Variants in RAB33B observed in about 807,000 individuals in gnomAD.
RAB33B encodes the protein RAB33B, member RAS oncogene family, also known as ras-related protein Rab-33B.
RAB33B carries 6 observed loss-of-function variants against 15.0 expected under a neutral mutation model. The observed-to-expected ratio is 0.40, with a 90% CI of 0.22 to 0.79. RAB33B has a LOEUF of 0.79. Among genes scored for constraint, RAB33B ranks in the 30% least tolerant of loss-of-function variants. The probability of loss-of-function intolerance (pLI) is 0.37; values close to 1 mark genes in which losing one functional copy is unlikely to be tolerated. For synonymous variants in RAB33B, 117 were observed against 108.3 expected, an observed-to-expected ratio of 1.08 and a Z score of -0.50; for missense variants, 257 against 296.4, an observed-to-expected ratio of 0.87 and a Z score of 0.98.
At chr4:139,454,082 C>T, upstream of RAB33B, 2 of 1,296,774 alleles carry the variant, frequency 1.5e-6, no homozygotes, top group Non-Finnish European at 2.1e-6. Flanking sequence ...GCGGTGGCTC[C>T]TGGGAAGTTG....
the RAB33B span, among the ~76,000 whole-genome samples, chr4:139,444,892 C>T: frequency 1.3e-5 from 2 of 152,136 alleles, no homozygotes; most frequent in Admixed American, 6.5e-5. Flanking sequence ...GCTGCCTCTA[C>T]CTAGAAAAAT....
intron 1 of RAB33B, among the ~76,000 whole-genome samples, chr4:139,471,295 C>G (rs1440010897): frequency 5.3e-5 from 8 of 152,096 alleles, no homozygotes; most frequent in Admixed American, 5.2e-4. Flanking sequence ...TCCGGTTTTC[C>G]TTTTTGCTCT....
In RAB33B at chr4:139,472,816, C is replaced by T. The variant is rs139890586; in HGVS notation, c.380C>T (p.Ser127Phe). 2 of 1,614,160 alleles carry T rather than the reference C, an allele frequency of 1.2e-6. No homozygotes were observed. The highest frequency in any genetic ancestry group is 1.7e-6 in the Non-Finnish European group (2 of 1,180,002). The change falls in exon 2 of 2, where the codon TCT becomes TTT. Residue 127 changes from serine to phenylalanine, a missense_variant. By Grantham distance (155) the Ser-to-Phe change is radical. Coordinates refer to ENST00000305626, the MANE Select transcript of RAB33B (RefSeq NM_031296.3). Reference protein sequence around the residue: ...TNMASFHSLPSWIEECKQHLL... With the variant: ...TNMASFHSLPFWIEECKQHLL... The stretch of plus-strand genomic sequence containing the variant: ...ATGGCTAGTTTTCATAGCCTACCAT[C>T]TTGGATAGAAGAATGCAAACAACAT...
intron 1 of RAB33B, among the ~76,000 whole-genome samples, chr4:139,469,062 G>A (rs1750344134): frequency 6.6e-6 from 1 of 151,980 alleles, no homozygotes; most frequent in East Asian, 1.9e-4. Context: ...AATCTGTTTG[G>A]TGTTCTATAA....
At chr4:139,447,280 G>A in the RAB33B span, among the ~76,000 whole-genome samples, 1,779 of 152,216 alleles carry the variant, frequency 0.012, 12 homozygotes, top group East Asian at 0.03. Flanking sequence ...GCAGGCCTGG[G>A]GCAAAGTTCT....
chr4:139,454,081 C>T, upstream of RAB33B: 3 of 1,276,052 alleles, frequency 2.4e-6, no homozygotes, highest in Non-Finnish European at 3.2e-6. Context: ...GGCGGTGGCT[C>T]CTGGGAAGTT....
intron 1 of RAB33B, among the ~76,000 whole-genome samples, chr4:139,467,745 C>T (rs1750317025): frequency 6.6e-6 from 1 of 151,778 alleles, no homozygotes; most frequent in Non-Finnish European, 1.5e-5. Flanking sequence ...GTAGTCCCAG[C>T]TACTCAGGTG....
At position 139,472,980 on chromosome 4, in the gene RAB33B, C is replaced by A. The variant is rs758237954; in HGVS notation, c.544C>A (p.Pro182Thr). The change falls in exon 2 of 2, where the codon CCC becomes ACC. Residue 182 changes from proline to threonine, a missense_variant. Pro to Thr is a conservative substitution (Grantham distance 38). Transcript: ENST00000305626. The part of the protein sequence containing the change: ...MPLFETSAKN[P>T]NDNDHVEAIF... ...TTTGTTTGAAACGTCTGCTAAAAAC[C>A]CCAATGATAATGACCATGTGGAAGC... 6.2e-7 allele frequency: 1 copy of A among 1,613,990 alleles called. No homozygotes were observed. Among genetic ancestry groups the A allele is most frequent in the Non-Finnish European group, 8.5e-7 (1 of 1,180,028 alleles).
the RAB33B span, among the ~76,000 whole-genome samples, chr4:139,444,940 G>T: frequency 6.6e-6 from 1 of 152,232 alleles, no homozygotes. Flanking sequence ...TGGAGGGGTT[G>T]CGGAAATTAG....
the RAB33B span, among the ~76,000 whole-genome samples, chr4:139,442,598 A>T: frequency 6.6e-6 from 1 of 152,136 alleles, no homozygotes. Context: ...AAACGTGAAA[A>T]GATTAGACTG....
In RAB33B at chr4:139,454,225, G is replaced by C. The variant is rs368228699; in HGVS notation, c.30G>C (p.Glu10Asp). Residue 10 changes from glutamate (E) to aspartate (D), a missense_variant, in exon 1 of 2, where the codon GAG (glutamate) becomes GAC (aspartate). Coordinates refer to ENST00000305626, the MANE Select transcript of RAB33B (RefSeq NM_031296.3). MAEEMESSL[E>D]ASFSSSGAVS... Reference sequence around the variant, plus strand: ...CTGAGGAGATGGAGTCGTCGCTCGAGGCAAGCTTTTCGTCCAGCGGGGCAG... The same window carrying C: ...CTGAGGAGATGGAGTCGTCGCTCGACGCAAGCTTTTCGTCCAGCGGGGCAG... 7.4e-6 allele frequency: 12 copies of C among 1,613,894 alleles called. No individual in the cohort carries two copies. In the African/African-American group the frequency reaches 1.2e-4, roughly 16 times the overall value.
upstream of RAB33B, chr4:139,453,862 C>T (rs1017522889): frequency 4.9e-6 from 1 of 205,306 alleles, no homozygotes; most frequent in Non-Finnish European, 9.6e-6. Context: ...AGTCAGGGCG[C>T]TGGGCCCAGC....
chr4:139,465,343 T>C (rs1750263296), intron 1 of RAB33B, among the ~76,000 whole-genome samples: 1 of 152,248 alleles, frequency 6.6e-6, no homozygotes, highest in Admixed American at 6.5e-5. Context: ...GTAGGTTGCC[T>C]GTTCACTCTG....
the RAB33B span, among the ~76,000 whole-genome samples, chr4:139,445,958 A>G: frequency 9.2e-5 from 14 of 152,188 alleles, no homozygotes; most frequent in Non-Finnish European, 1.9e-4. Flanking sequence ...GCTTTGGCGG[A>G]AACGGAACGT....
chr4:139,476,462 A>G lies in RAB33B; in HGVS notation c.*3336A>G, dbSNP rs927433383. On this transcript the variant is annotated 3_prime_UTR_variant, in exon 2 of 2. Transcript: ENST00000305626. ...AGGACTGCTTTCTTAATCAGATATT[A>G]AGAAGTTCGTCATGTATTTTGGGAG... 2 of 152,202 alleles carry G rather than the reference A, an allele frequency of 1.3e-5. No individual in the cohort carries two copies. Among genetic ancestry groups the G allele is most frequent in the Admixed American group, 6.5e-5 (1 of 15,274 alleles). The allele number at this position is 152,202 out of a possible 1,614,324, so 9.4% of individuals were successfully genotyped here.
At chr4:139,456,193 C>T (rs1750064987) in intron 1 of RAB33B, among the ~76,000 whole-genome samples, 1 of 151,946 alleles carries the variant, frequency 6.6e-6, no homozygotes, top group Admixed American at 6.6e-5. Context: ...TGTTTGCCAC[C>T]ATTAGTTCTG....
chr4:139,464,977 A>G (rs189100732), intron 1 of RAB33B, among the ~76,000 whole-genome samples: 2,245 of 152,276 alleles, frequency 0.015, 53 homozygotes, highest in East Asian at 0.1. Context: ...GTCTTCCACA[A>G]TGGTTGAAGT....
In RAB33B at chr4:139,475,221, A is replaced by G. The variant is rs970068543; in HGVS notation, c.*2095A>G. The stretch of plus-strand genomic sequence containing the variant: ...CAGCTGTAGTAACTATGATGGGTGT[A>G]ACAACATTTTTTTAAAGAAGGGAAT... On this transcript the variant is annotated 3_prime_UTR_variant, in exon 2 of 2. Transcript: ENST00000305626. 7.2e-5 allele frequency: 11 copies of G among 152,216 alleles called. No individual in the cohort carries two copies. Among genetic ancestry groups the G allele is most frequent in the African/African-American group, 2.4e-4 (10 of 41,578 alleles). 9.4% of individuals were successfully genotyped at this position (152,216 alleles called of 1,614,324 possible).
In RAB33B at chr4:139,472,839, C is replaced by T. The variant is rs997966212; in HGVS notation, c.403C>T (p.His135Tyr). The change falls in exon 2 of 2, where the codon CAT becomes TAT. Residue 135 changes from histidine (H) to tyrosine (Y), a missense_variant. His to Tyr is a moderately conservative substitution (Grantham distance 83). Coordinates refer to ENST00000305626, the MANE Select transcript of RAB33B (RefSeq NM_031296.3). ...LPSWIEECKQ[H>Y]LLANDIPRIL... ...ATCTTGGATAGAAGAATGCAAACAA[C>T]ATTTGCTAGCCAATGATATACCACG... The T allele has an allele frequency of 1.2e-5, 20 of 1,614,052 alleles. No homozygotes were observed. The highest frequency in any genetic ancestry group is 1.5e-5 in the Non-Finnish European group (18 of 1,180,036).
Sources: gnomAD v4.1 joint callset for allele counts (sites outside exome capture counted in the v4.1 genomes callset) on GRCh38, gnomAD v4.1.1 for gene constraint, MANE v1.5 for transcripts, NCBI Gene and HGNC (gene_info 2026-07-23, HGNC 2026-07-21) for gene names.